Variants in DENND4C observed in about 807,000 individuals in gnomAD.
DENND4C encodes DENN domain containing 4C, also known as DENN domain-containing protein 4C.
Under a neutral mutation model 203.0 loss-of-function variants are expected in DENND4C, and 108 were observed. The observed-to-expected ratio is 0.53, with a 90% CI of 0.46 to 0.62. The LOEUF is 0.62. Ranked by LOEUF, DENND4C falls within the 20% of genes least tolerant of loss-of-function variation. The pLI, the probability that DENND4C is intolerant of heterozygous loss-of-function variation, is 0.00. For synonymous variants in DENND4C, 871 were observed against 792.4 expected, an observed-to-expected ratio of 1.10 and a Z score of -1.67; for missense variants, 2,481 against 2,301.2, an observed-to-expected ratio of 1.08 and a Z score of -1.60.
chr9:19,259,808 A>G (rs942438390), intron 1 of DENND4C, among the ~76,000 whole-genome samples: 3 of 152,120 alleles, frequency 2.0e-5, no homozygotes, highest in Non-Finnish European at 4.4e-5. Context: ...CCTGGCTCGA[A>G]TGCCACATTT....
Position 19,352,630 on chromosome 9 carries a change from C to A in DENND4C, c.4746C>A (p.Leu1582=). 1 of 1,611,398 alleles carries A rather than the reference C, an allele frequency of 6.2e-7. No individual in the cohort carries two copies. The highest frequency in any genetic ancestry group is 8.5e-7 in the Non-Finnish European group (1 of 1,178,420). Reference sequence around the variant, plus strand: ...GTAAAAGCAACTTCTTGCCTCTTCTCAATATAGAATTCAAAGATTTGAGAG... The same window carrying A: ...GTAAAAGCAACTTCTTGCCTCTTCTAAATATAGAATTCAAAGATTTGAGAG... ...PFCKSNFLPL[L]NIEFKDLRGS... Residue 1582 remains leucine (L), a synonymous_variant, in exon 26 of 33, where the codon CTC becomes CTA. Transcript: ENST00000434457.
intron 1 of DENND4C, among the ~76,000 whole-genome samples, chr9:19,231,413 G>C (rs1050331991): frequency 6.6e-6 from 1 of 152,162 alleles, no homozygotes; most frequent in Non-Finnish European, 1.5e-5. Context: ...TTCTTTGTCG[G>C]GGATGACTTT....
chr9:19,299,428 G>A (rs1442528366), intron 8 of DENND4C, 141 bp downstream of exon 8: 3 of 553,754 alleles, frequency 5.4e-6, no homozygotes, highest in African/African-American at 4.0e-5. Flanking sequence ...GGCAAAAATA[G>A]CCTTAATGTT....
In DENND4C at chr9:19,346,827, A is replaced by C. The variant is rs144390071; in HGVS notation, c.4058A>C (p.Lys1353Thr). ...EKSSPAVSRSKTFTGRFKQQT... is the reference protein window; with the variant it reads ...EKSSPAVSRSTTFTGRFKQQT... ...AGCTCACCTGCAGTGTCCAGGTCTA[A>C]AACTTTTACTGGGCGTTTCAAGCAG... The change falls in exon 23 of 33, where the codon AAA (lysine) becomes ACA (threonine). Residue 1353 changes from lysine to threonine, a missense_variant. Coordinates refer to ENST00000434457, the MANE Select transcript of DENND4C (RefSeq NM_001330640.2). The C allele has an allele frequency of 3.7e-5, 59 of 1,614,194 alleles. No homozygotes were observed. The African/African-American group carries it at 7.1e-4, about 19-fold the overall frequency.
intron 1 of DENND4C, among the ~76,000 whole-genome samples, chr9:19,242,301 AGTTT>A (rs1823951704): frequency 6.6e-6 from 1 of 152,198 alleles, no homozygotes; most frequent in Non-Finnish European, 1.5e-5. Flanking sequence ...GATATATTCC[AGTTT>A]GTTTATCCAT....
chr9:19,357,242 T>A, intron 27 of DENND4C, 88 bp downstream of exon 27: 1 of 1,288,074 alleles, frequency 7.8e-7, no homozygotes, highest in Non-Finnish European at 1.1e-6. Context: ...CTGACTCATA[T>A]AGGCATAAGT....
In DENND4C at chr9:19,373,744, TTTACAGTAA is replaced by T. The variant is rs1829216066; in HGVS notation, c.*1575_*1583del. On this transcript the variant is annotated 3_prime_UTR_variant, in exon 33 of 33. Transcript: ENST00000434457. The stretch of plus-strand genomic sequence containing the variant: ...TAAAAAGCCATTGGTTTTGTGTGTG[TTTACAGTAA>T]TTATGCAGATGACTAAATGAGTTGA... Among the ~76,000 whole-genome samples, 1 of 152,180 alleles carries T rather than the reference TTTACAGTAA, an allele frequency of 6.6e-6. No homozygotes were observed.
At chr9:19,340,933 ATATATGAATTATAAG>A (rs1344391879) in intron 20 of DENND4C, 44 bp from the exon 21 acceptor site, 3 of 1,437,950 alleles carry the variant, frequency 2.1e-6, no homozygotes, top group Non-Finnish European at 2.8e-6. Context: ...TGTGATTTTT[ATATATGAATTATAAG>A]TATATGAAAA....
chr9:19,360,219 A>C (rs1459394604), intron 28 of DENND4C, 25 bp from the exon 29 acceptor site: 17 of 1,602,858 alleles, frequency 1.1e-5, no homozygotes, highest in African/African-American at 4.0e-5. Flanking sequence ...AGATAATATT[A>C]ATTTCTTTTT....
In DENND4C at chr9:19,324,527, C is replaced by G; in HGVS notation, c.1953+20C>G. The stretch of plus-strand genomic sequence containing the variant: ...GAAAAGGTAAAAGTTTGTACTTATA[C>G]TAGTGTTTAGAAAAAAAAGTTTGCC... On this transcript the variant is annotated intron_variant, in intron 13 of 32. Transcript: ENST00000434457. 1 of 1,589,176 alleles carries G rather than the reference C, an allele frequency of 6.3e-7. No homozygotes were observed.
intron 1 of DENND4C, among the ~76,000 whole-genome samples, 183 bp from the exon 2 acceptor site, chr9:19,275,975 A>G (rs1366701242): frequency 6.6e-6 from 1 of 152,192 alleles, no homozygotes; most frequent in Non-Finnish European, 1.5e-5. Flanking sequence ...GATGCTGTTA[A>G]CTTGTACTTT....
intron 18 of DENND4C, 124 bp from the exon 19 acceptor site, chr9:19,336,146 G>A: frequency 4.9e-6 from 4 of 814,930 alleles, no homozygotes; most frequent in Non-Finnish European, 6.9e-6. Flanking sequence ...TATACCTCTT[G>A]GCCAGTATAA....
intron 1 of DENND4C, among the ~76,000 whole-genome samples, chr9:19,241,383 G>A (rs1461449672): frequency 2.6e-5 from 4 of 151,816 alleles, no homozygotes; most frequent in Non-Finnish European, 2.9e-5. Context: ...TTTAAAAAAT[G>A]AATTTTTTTT....
intron 1 of DENND4C, among the ~76,000 whole-genome samples, chr9:19,234,026 C>G (rs914841215): frequency 6.6e-6 from 1 of 152,180 alleles, no homozygotes; most frequent in Admixed American, 6.5e-5. Flanking sequence ...GTATAATATT[C>G]TAATCCTGTC....
At chr9:19,243,282 A>G (rs1398323475) in intron 1 of DENND4C, among the ~76,000 whole-genome samples, 1 of 152,150 alleles carries the variant, frequency 6.6e-6, no homozygotes, top group Non-Finnish European at 1.5e-5. Context: ...TTCATTTAGG[A>G]TAGTGTTTTT....
At chr9:19,237,019 G>A (rs933052842) in intron 1 of DENND4C, among the ~76,000 whole-genome samples, 3 of 151,876 alleles carry the variant, frequency 2.0e-5, no homozygotes, top group African/African-American at 7.3e-5. Context: ...AATTATAGGC[G>A]ATTTGACTTT....
intron 12 of DENND4C, 139 bp downstream of exon 12, chr9:19,316,978 C>A: frequency 1.3e-6 from 1 of 774,912 alleles, no homozygotes; most frequent in Non-Finnish European, 1.9e-6. Context: ...TATTTGTAAC[C>A]TAGCTTTATG....
chr9:19,262,318 C>A (rs1274503899), intron 1 of DENND4C, among the ~76,000 whole-genome samples: 2 of 151,882 alleles, frequency 1.3e-5, no homozygotes, highest in Non-Finnish European at 2.9e-5. Flanking sequence ...GAACTCCTGA[C>A]CTCAGGTGAT....
In DENND4C at chr9:19,346,812, C is replaced by CA; in HGVS notation, c.4044dup (p.Val1349SerfsTer5). On this transcript the variant is annotated frameshift_variant, in exon 23 of 33. Transcript: ENST00000434457. LOFTEE classifies it high-confidence loss of function. ...CCTGAAAGTGAAAAGAGCTCACCTG[C>CA]AGTGTCCAGGTCTAAAACTTTTACT... The CA allele has an allele frequency of 1.2e-6, 2 of 1,614,210 alleles. No individual in the cohort carries two copies. The highest frequency in any genetic ancestry group is 1.7e-6 in the Non-Finnish European group (2 of 1,180,034).
Sources: gnomAD v4.1 joint callset for allele counts (sites outside exome capture counted in the v4.1 genomes callset) on GRCh38, gnomAD v4.1.1 for gene constraint, MANE v1.5 for transcripts, NCBI Gene and HGNC (gene_info 2026-07-23, HGNC 2026-07-21) for gene names.